TMC1: variants seen among roughly 807,000 people sequenced by gnomAD.
TMC1 encodes transmembrane channel-like protein 1.
Under a neutral mutation model 105.8 loss-of-function variants are expected in TMC1, and 84 were observed. That is an observed-to-expected ratio of 0.79 (90% CI 0.67 to 0.95). The LOEUF is 0.95. Among genes scored for constraint, TMC1 ranks in the 40% least tolerant of loss-of-function variants. The probability of loss-of-function intolerance (pLI) is 0.00; values close to 1 mark genes in which losing one functional copy is unlikely to be tolerated. For synonymous variants in TMC1, 315 were observed against 311.5 expected (o/e 1.01, Z -0.12); for missense variants, 817 against 914.1 (o/e 0.89, Z 1.37).
chr9:72,548,178 T>G (rs1823803177), intron 1 of TMC1, among the ~76,000 whole-genome samples: 1 of 152,222 alleles, frequency 6.6e-6, no homozygotes, highest in African/African-American at 2.4e-5. Flanking sequence ...AACTGATTGA[T>G]AAATTGGAAT....
At chr9:72,677,104 C>T (rs1490563410) in intron 5 of TMC1, among the ~76,000 whole-genome samples, 1 of 149,828 alleles carries the variant, frequency 6.7e-6, no homozygotes, top group East Asian at 2.0e-4. Context: ...CTTTGTTAGC[C>T]AGGGCACTCT....
chr9:72,627,330 A>T (rs2132132531), intron 3 of TMC1, among the ~76,000 whole-genome samples: 1 of 152,130 alleles, frequency 6.6e-6, no homozygotes, highest in South Asian at 2.1e-4. Context: ...CCCTCCTGGG[A>T]GGCTGGTGTG....
At chr9:72,669,648 T>C (rs1826097605) in intron 5 of TMC1, among the ~76,000 whole-genome samples, 1 of 152,050 alleles carries the variant, frequency 6.6e-6, no homozygotes, top group Non-Finnish European at 1.5e-5. Flanking sequence ...TGAGCCGATG[T>C]GAAACAAAAG....
intron 8 of TMC1, among the ~76,000 whole-genome samples, chr9:72,737,139 G>C (rs1490521126): frequency 6.6e-6 from 1 of 151,866 alleles, no homozygotes; most frequent in Non-Finnish European, 1.5e-5. Context: ...TGATGGATAT[G>C]GTATGTGGAT....
At chr9:72,624,376 T>C (rs7019823) in intron 3 of TMC1, among the ~76,000 whole-genome samples, 77,010 of 151,908 alleles carry the variant, frequency 0.51, 19,986 homozygotes, top group African/African-American at 0.62. Context: ...TGTGTTTATT[T>C]CCGTAGGGTT....
chr9:72,699,759 C>T (rs1460673908), intron 7 of TMC1, among the ~76,000 whole-genome samples: 1 of 151,748 alleles, frequency 6.6e-6, no homozygotes, highest in African/African-American at 2.4e-5. Context: ...AAGTTCAAGA[C>T]CAGCCTGGCC....
chr9:72,743,717 AG>A (rs1827438943), intron 10 of TMC1, among the ~76,000 whole-genome samples: 3 of 110,458 alleles, frequency 2.7e-5, no homozygotes, highest in South Asian at 2.3e-4. Context: ...ATTCATAGGA[AG>A]GAAGGAAGGA....
At chr9:72,534,952 C>T (rs1305873176) in intron 1 of TMC1, among the ~76,000 whole-genome samples, 1 of 151,976 alleles carries the variant, frequency 6.6e-6, no homozygotes, top group African/African-American at 2.4e-5. Flanking sequence ...TTTTCATGAT[C>T]ACTACTCTTA....
chr9:72,712,169 T>C (rs1178403865), intron 8 of TMC1, among the ~76,000 whole-genome samples: 1 of 152,220 alleles, frequency 6.6e-6, no homozygotes, highest in African/African-American at 2.4e-5. Context: ...TTTGCTACTG[T>C]AGCCTTGTAG....
At chr9:72,765,724 C>T (rs775258663) in intron 12 of TMC1, among the ~76,000 whole-genome samples, 6 of 151,762 alleles carry the variant, frequency 4.0e-5, no homozygotes, top group Non-Finnish European at 7.4e-5. Flanking sequence ...CTATAGGCAG[C>T]GGAGCGCACC....
chr9:72,575,660 A>G (rs545681492), intron 1 of TMC1, among the ~76,000 whole-genome samples: 1 of 152,338 alleles, frequency 6.6e-6, no homozygotes, highest in African/African-American at 2.4e-5. Context: ...ATTCTTGCCC[A>G]GAAGGCGACA....
intron 12 of TMC1, among the ~76,000 whole-genome samples, chr9:72,765,559 T>C (rs1827816417): frequency 6.6e-6 from 1 of 150,854 alleles, no homozygotes; most frequent in African/African-American, 2.4e-5. Context: ...GATAGTGCTA[T>C]GCTCTCAACA....
intron 13 of TMC1, among the ~76,000 whole-genome samples, chr9:72,784,048 A>G (rs1828132334): frequency 6.6e-6 from 1 of 152,180 alleles, no homozygotes; most frequent in Non-Finnish European, 1.5e-5. Context: ...CAATTGCAAT[A>G]AAAACCAAAA....
At chr9:72,655,357 C>A (rs1260803820) in intron 5 of TMC1, among the ~76,000 whole-genome samples, 1 of 152,164 alleles carries the variant, frequency 6.6e-6, no homozygotes, top group Non-Finnish European at 1.5e-5. Flanking sequence ...CATACAATTA[C>A]AGGTTGCTAG....
intron 2 of TMC1, among the ~76,000 whole-genome samples, chr9:72,599,367 T>A (rs1824769004): frequency 6.6e-6 from 1 of 152,112 alleles, no homozygotes; most frequent in Non-Finnish European, 1.5e-5. Context: ...CATTTGGATT[T>A]CCCTGCATTA....
intron 18 of TMC1, among the ~76,000 whole-genome samples, chr9:72,809,772 A>G (rs909161740): frequency 6.6e-6 from 1 of 152,226 alleles, no homozygotes. Context: ...GCAACATTAA[A>G]TCTGTATTCC....
intron 4 of TMC1, among the ~76,000 whole-genome samples, chr9:72,648,040 A>T (rs1415825592): frequency 6.6e-6 from 1 of 152,202 alleles, no homozygotes; most frequent in Non-Finnish European, 1.5e-5. Flanking sequence ...TTCATATAGC[A>T]AGTTTTACTT....
At chr9:72,789,029 G>C in intron 14 of TMC1, 94 bp from the exon 15 acceptor site, 1 of 1,252,798 alleles carries the variant, frequency 8.0e-7, no homozygotes, top group Non-Finnish European at 1.2e-6. Context: ...TCTGATGATT[G>C]TAAAAATAAC....
intron 3 of TMC1, among the ~76,000 whole-genome samples, chr9:72,619,828 A>T (rs146533288): frequency 0.065 from 9,101 of 140,754 alleles, 516 homozygotes; most frequent in African/African-American, 0.16. Flanking sequence ...TTAATTAATT[A>T]ATTAATTTAT....
Sources: allele counts gnomAD v4.1 joint callset (sites outside exome capture counted in the v4.1 genomes callset), GRCh38; gene constraint gnomAD v4.1.1; transcripts MANE v1.5; gene names NCBI Gene and HGNC (gene_info 2026-07-23, HGNC 2026-07-21).